The following CDS2 variants were observed in gnomAD, a reference collection of about 807,000 sequenced individuals.
The protein encoded by CDS2 is CDP-diacylglycerol synthase 2.
Under a neutral mutation model 59.0 loss-of-function variants are expected in CDS2, and 47 were observed. That is an observed-to-expected ratio of 0.80 (90% confidence interval 0.63 to 1.02). The LOEUF is 1.02. CDS2 is among the 50% of genes least tolerant of loss of function. CDS2 has a pLI of 0.00. For synonymous variants in CDS2, 207 were observed against 206.4 expected (o/e 1.00, Z -0.02); for missense variants, 356 against 558.9 (o/e 0.64, Z 3.66).
intron 1 of CDS2, among the ~76,000 whole-genome samples, chr20:5,150,901 G>T (rs1232684214): frequency 1.3e-5 from 2 of 152,202 alleles, no homozygotes; most frequent in African/African-American, 4.8e-5. Flanking sequence ...TAGGGTTCCT[G>T]GCAGAAGGGC....
At chr20:5,177,193 T>G (rs943841483) in intron 4 of CDS2, among the ~76,000 whole-genome samples, 1 of 152,236 alleles carries the variant, frequency 6.6e-6, no homozygotes, top group East Asian at 1.9e-4. Flanking sequence ...TTTTTCTAGA[T>G]CAGTATATTT....
chr20:5,146,249 C>T (rs1414224439), intron 1 of CDS2, among the ~76,000 whole-genome samples: 2 of 152,136 alleles, frequency 1.3e-5, no homozygotes, highest in Non-Finnish European at 2.9e-5. Flanking sequence ...ATTGATGACA[C>T]TTGTGAATTC....
At chr20:5,149,163 A>G (rs908963704) in intron 1 of CDS2, among the ~76,000 whole-genome samples, 10 of 152,124 alleles carry the variant, frequency 6.6e-5, no homozygotes, top group African/African-American at 2.4e-4. Flanking sequence ...CTATTTGAGT[A>G]TAGTATACTA....
chr20:5,186,661 C>T, intron 9 of CDS2, 26 bp from the exon 10 acceptor site: 1 of 1,611,598 alleles, frequency 6.2e-7, no homozygotes, highest in Non-Finnish European at 8.5e-7. Flanking sequence ...TACTTCCTTG[C>T]CGGTCTCTCT....
chr20:5,183,983 C>G (rs943907545), intron 7 of CDS2, among the ~76,000 whole-genome samples: 1 of 152,088 alleles, frequency 6.6e-6, no homozygotes, highest in African/African-American at 2.4e-5. Flanking sequence ...TAGTGAAATC[C>G]CCGTCTCTAC....
chr20:5,179,192 G>GCTGA (rs2091015689), intron 5 of CDS2, among the ~76,000 whole-genome samples: 1 of 150,992 alleles, frequency 6.6e-6, no homozygotes, highest in Non-Finnish European at 1.5e-5. Flanking sequence ...CACCATCTCG[G>GCTGA]CTGACTGCAA....
intron 1 of CDS2, among the ~76,000 whole-genome samples, chr20:5,145,531 T>C (rs1297595063): frequency 6.7e-6 from 1 of 148,366 alleles, no homozygotes; most frequent in Non-Finnish European, 1.5e-5. Context: ...TTCTCCAGGG[T>C]TTCAGAGGGC....
intron 1 of CDS2, among the ~76,000 whole-genome samples, chr20:5,164,952 G>A (rs2090902870): frequency 6.6e-6 from 1 of 152,208 alleles, no homozygotes; most frequent in Admixed American, 6.5e-5. Flanking sequence ...TCATATGCTT[G>A]CTGTTAGTAA....
intron 1 of CDS2, among the ~76,000 whole-genome samples, chr20:5,161,107 G>C (rs2090873430): frequency 6.6e-6 from 1 of 152,104 alleles, no homozygotes; most frequent in African/African-American, 2.4e-5. Context: ...TTCTATATTT[G>C]ATTTTTTGAG....
chr20:5,178,989 C>G, intron 5 of CDS2, 33 bp downstream of exon 5: 1 of 1,605,328 alleles, frequency 6.2e-7, no homozygotes, highest in Non-Finnish European at 8.5e-7. Flanking sequence ...TTTCTTGTGT[C>G]TGTATTGTTT....
chr20:5,148,980 G>T (rs1261510767), intron 1 of CDS2, among the ~76,000 whole-genome samples: 2 of 152,034 alleles, frequency 1.3e-5, no homozygotes, highest in Non-Finnish European at 2.9e-5. Flanking sequence ...AGAGGTACTA[G>T]TCTCTTCTAG....
chr20:5,154,394 G>C (rs1198880694), intron 1 of CDS2, among the ~76,000 whole-genome samples: 2 of 152,182 alleles, frequency 1.3e-5, no homozygotes, highest in African/African-American at 2.4e-5. Flanking sequence ...TGGAAACACT[G>C]TCAGGGCAAG....
intron 1 of CDS2, among the ~76,000 whole-genome samples, chr20:5,141,993 G>A (rs143999838): frequency 1.4e-3 from 214 of 152,328 alleles, no homozygotes; most frequent in African/African-American, 4.7e-3. Context: ...GGGAGTGATA[G>A]AGATAGATAT....
At chr20:5,156,036 G>A (rs2090831275) in intron 1 of CDS2, among the ~76,000 whole-genome samples, 1 of 152,204 alleles carries the variant, frequency 6.6e-6, no homozygotes, top group Admixed American at 6.5e-5. Flanking sequence ...AATGAATGGG[G>A]GAGGGATGTA....
chr20:5,181,744 A>G (rs1176729968), intron 5 of CDS2, among the ~76,000 whole-genome samples: 2 of 152,238 alleles, frequency 1.3e-5, no homozygotes, highest in Non-Finnish European at 2.9e-5. Flanking sequence ...TATAATGTGT[A>G]GTCTATTTCT....
At position 5,184,974 on chromosome 20, in the gene CDS2, C is replaced by T; in HGVS notation, c.759+29C>T. ...AATGGATTACCCTAATGTGAAATAC[C>T]ACTGTGAGGGGAGGGTGGTGCTCTC... On this transcript the variant is annotated intron_variant, in intron 8 of 12. Transcript: ENST00000460006. The surrounding 1 kb of genome is among the most constrained non-coding windows in gnomAD (Gnocchi z 4.3). 2.0e-6 allele frequency: 3 copies of T among 1,487,772 alleles called. No individual in the cohort carries two copies. In the South Asian group the frequency reaches 3.4e-5, roughly 17 times the overall value. 92.2% of individuals were successfully genotyped at this position (1,487,772 alleles called of 1,614,324 possible).
At chr20:5,145,820 G>C (rs1367197803) in intron 1 of CDS2, among the ~76,000 whole-genome samples, 1 of 95,910 alleles carries the variant, frequency 1.0e-5, no homozygotes, top group Non-Finnish European at 2.3e-5. Context: ...TTTGCTTTTT[G>C]TGTTTTTTTT....
In CDS2 at chr20:5,158,696, G is replaced by A. The variant is rs115906042; in HGVS notation, c.58-14827G>A. Among the ~76,000 whole-genome samples the A allele has an allele frequency of 8.8e-3, 1,336 of 152,292 alleles. 21 individuals are homozygous for A. The highest frequency in any genetic ancestry group is 0.029 in the African/African-American group (1,188 of 41,560). The stretch of plus-strand genomic sequence containing the variant: ...CCACTATGTACCCCAGTTTCTGGTT[G>A]GAGTGACAGAATGAGAACACAGCCA... On this transcript the variant is annotated intron_variant, in intron 1 of 12. Transcript: ENST00000460006.
chr20:5,189,907 G>T, intron 12 of CDS2, 69 bp downstream of exon 12: 1 of 1,421,732 alleles, frequency 7.0e-7, no homozygotes, highest in Non-Finnish European at 9.8e-7. Flanking sequence ...GAATTTTAGC[G>T]GCATCTAAGT....
Sources: gnomAD v4.1 joint callset for allele counts (sites outside exome capture counted in the v4.1 genomes callset) on GRCh38, gnomAD v4.1.1 for gene constraint, Gnocchi (gnomAD v3.1) non-coding constraint, MANE v1.5 for transcripts, NCBI Gene and HGNC (gene_info 2026-07-23, HGNC 2026-07-21) for gene names.